PCDHGA5: variants seen among roughly 807,000 people sequenced by gnomAD.
PCDHGA5 encodes the protein protocadherin gamma-A5.
A neutral mutation model predicts 56.7 loss-of-function variants in PCDHGA5; 36 were observed. That is an observed-to-expected ratio of 0.64 (90% confidence interval 0.49 to 0.84). The LOEUF (loss-of-function observed/expected upper bound fraction) is 0.84. Ranked by LOEUF, PCDHGA5 falls within the 40% of genes least tolerant of loss-of-function variation. The pLI is 0.00. For missense variants in PCDHGA5, 1,305 were observed against 1,201.5 expected (o/e 1.09, Z -1.27); for synonymous variants, 563 against 520.2 (o/e 1.08, Z -1.12).
intron 1 of PCDHGA5, chr5:141,417,708 G>C (rs1028054307): frequency 1.2e-4 from 152 of 1,227,878 alleles, no homozygotes; most frequent in East Asian, 4.9e-4. Context: ...CCACACAGAG[G>C]CTCCCGGCTG....
At chr5:141,450,829 A>ATTTTT (rs373424450) in intron 1 of PCDHGA5, among the ~76,000 whole-genome samples, 3 of 135,122 alleles carry the variant, frequency 2.2e-5, no homozygotes, top group Admixed American at 7.6e-5. Flanking sequence ...TATTATTATT[A>ATTTTT]TTTTTTTTTT....
intron 1 of PCDHGA5, among the ~76,000 whole-genome samples, chr5:141,469,882 G>A (rs760102003): frequency 2.6e-5 from 4 of 152,280 alleles, no homozygotes; most frequent in Non-Finnish European, 4.4e-5. Context: ...TGTAATCTCG[G>A]CACTTTGGGA....
At chr5:141,371,265 C>A in intron 1 of PCDHGA5, 1 of 1,614,024 alleles carries the variant, frequency 6.2e-7, no homozygotes, top group Non-Finnish European at 8.5e-7. Context: ...AGTGAGACAA[C>A]TGTTCAAGCT....
Position 141,456,055 on chromosome 5 carries a change from G to A in PCDHGA5, c.2422-38752G>A, listed in dbSNP as rs78682041. On this transcript the variant is annotated intron_variant, in intron 1 of 3. Coordinates refer to ENST00000518069, the MANE Select transcript of PCDHGA5 (RefSeq NM_018918.3). Reference sequence around the variant, plus strand: ...TGGGACTACAGGCGCCCACCACCACGTCCGGCTAATTTTTTGTATTTTCAG... The same window carrying A: ...TGGGACTACAGGCGCCCACCACCACATCCGGCTAATTTTTTGTATTTTCAG... Among the ~76,000 whole-genome samples, 302 of 151,836 alleles carry A rather than the reference G, an allele frequency of 2.0e-3. 1 individual carries two copies. The highest frequency in any genetic ancestry group is 0.01 in the Middle Eastern group (3 of 292).
intron 1 of PCDHGA5, chr5:141,404,765 T>A: frequency 6.2e-7 from 1 of 1,613,120 alleles, no homozygotes; most frequent in Non-Finnish European, 8.5e-7. Context: ...TGCTTGGCTC[T>A]CCTACCGCCT....
In PCDHGA5 at chr5:141,373,263, A is replaced by G. The variant is rs559475060; in HGVS notation, c.2421+6512A>G. Among the ~76,000 whole-genome samples, 7 of 152,368 alleles carry G rather than the reference A, an allele frequency of 4.6e-5. No homozygotes were observed. In the East Asian group the frequency reaches 1.2e-3, roughly 25 times the overall value. On this transcript the variant is annotated intron_variant, in intron 1 of 3. Coordinates refer to ENST00000518069, the MANE Select transcript of PCDHGA5 (RefSeq NM_018918.3). ...CTTCCCTTTGCATGTTTTTAAAAGT[A>G]TACACAGATGTTGCCTATGTCAGGG...
At chr5:141,403,646 G>A in intron 1 of PCDHGA5, 1 of 1,613,950 alleles carries the variant, frequency 6.2e-7, no homozygotes, top group Non-Finnish European at 8.5e-7. Context: ...CCATGTGACA[G>A]TGTTGGATAC....
Position 141,432,604 on chromosome 5 carries a change from A to T in PCDHGA5, c.2422-62203A>T, listed in dbSNP as rs774164351. ...GTCTGCTCAAGGCCAGCGAGCCGGG[A>T]CTCTTCTCGGTGGGTCTGCACACGG... On this transcript the variant is annotated intron_variant, in intron 1 of 3. Coordinates refer to ENST00000518069, the MANE Select transcript of PCDHGA5 (RefSeq NM_018918.3). The surrounding 1 kb of genome is among the most constrained non-coding windows in gnomAD (Gnocchi z 6.0). 1.2e-6 allele frequency: 2 copies of T among 1,610,530 alleles called. No homozygotes were observed. The highest frequency in any genetic ancestry group is 1.7e-6 in the Non-Finnish European group (2 of 1,179,274).
chr5:141,419,451 C>T (rs747887064), intron 1 of PCDHGA5: 2 of 1,612,796 alleles, frequency 1.2e-6, no homozygotes, highest in Non-Finnish European at 8.5e-7. Flanking sequence ...TTCGAGCTCA[C>T]GCTGCAGGCC....
intron 1 of PCDHGA5, chr5:141,392,912 C>T: frequency 6.2e-7 from 1 of 1,613,908 alleles, no homozygotes; most frequent in South Asian, 1.1e-5. Context: ...AGATTCGCTA[C>T]TCTGTGCCAG....
chr5:141,382,946 T>C (rs1415736753), intron 1 of PCDHGA5: 27 of 1,598,228 alleles, frequency 1.7e-5, no homozygotes, highest in Non-Finnish European at 2.3e-5. Flanking sequence ...TTCTTCCTGC[T>C]CTCCATCCTC....
rs758216933 is a variant in PCDHGA5 at position 141,487,377 on chromosome 5, C to A, written c.2422-7430C>A. The A allele has an allele frequency of 2.5e-6, 4 of 1,614,190 alleles. No individual in the cohort carries two copies. In the South Asian group the frequency reaches 3.3e-5, roughly 13 times the overall value. On this transcript the variant is annotated intron_variant, in intron 1 of 3. Transcript: ENST00000518069. This position sits in a 1 kb window ranked among gnomAD's most constrained non-coding sequence, Gnocchi z 5.0. ...CCTGCTGGCACCTGTGCCTGTCTCA[C>A]CAGATCTCGAAGGAGGGAGGGGCTT...
At chr5:141,389,424 G>T in intron 1 of PCDHGA5, 1 of 1,613,510 alleles carries the variant, frequency 6.2e-7, no homozygotes, top group Non-Finnish European at 8.5e-7. Context: ...GGTGGTGTTC[G>T]CGCAGCGCGC....
chr5:141,470,262 A>C (rs924170384), intron 1 of PCDHGA5, among the ~76,000 whole-genome samples: 2 of 152,126 alleles, frequency 1.3e-5, no homozygotes, highest in African/African-American at 4.8e-5. Context: ...CTAAATGGAG[A>C]TACATGTTTG....
At position 141,511,940 on chromosome 5, in the gene PCDHGA5, G is replaced by A. The variant is rs2099884015; in HGVS notation, c.*767G>A. 1 of 154,118 alleles carries A rather than the reference G, an allele frequency of 6.5e-6. No homozygotes were observed. The highest frequency in any genetic ancestry group is 1.9e-4 in the East Asian group (1 of 5,214). 9.5% of individuals were successfully genotyped at this position (154,118 alleles called of 1,614,324 possible). ...TCCACTGCATGTTCCAAGACAGTAT[G>A]GGGTGGTAAGATAAGGAAGGGAAGT... On this transcript the variant is annotated 3_prime_UTR_variant, in exon 4 of 4. Coordinates refer to ENST00000518069, the MANE Select transcript of PCDHGA5 (RefSeq NM_018918.3).
At chr5:141,479,486 A>T (rs72790065) in intron 1 of PCDHGA5, 21,264 of 152,292 alleles carry the variant, frequency 0.14, 1,529 homozygotes, top group Admixed American at 0.16. Context: ...GGGCAGGACC[A>T]TCAGGTTGCC....
rs543038539 is a variant in PCDHGA5 at position 141,415,850 on chromosome 5, C to A, written c.2421+49099C>A. 7.3e-6 allele frequency: 9 copies of A among 1,230,004 alleles called. No homozygotes were observed. In the East Asian group the frequency reaches 2.6e-4, roughly 35 times the overall value. The allele number at this position is 1,230,004 out of a possible 1,614,324, so 76.2% of individuals were successfully genotyped here. ...TTTGTTATGATTAGCTTTGCAGAAC[C>A]TTGTAGTTTATAGTGTTGTTGAGTA... On this transcript the variant is annotated intron_variant, in intron 1 of 3. Coordinates refer to ENST00000518069, the MANE Select transcript of PCDHGA5 (RefSeq NM_018918.3).
intron 1 of PCDHGA5, chr5:141,388,958 C>T (rs767426744): frequency 7.4e-6 from 12 of 1,613,930 alleles, no homozygotes; most frequent in East Asian, 2.2e-5. Context: ...TGGAGGACGC[C>T]GAGCTGGGAA....
chr5:141,486,940 A>T lies in PCDHGA5; in HGVS notation c.2422-7867A>T. ...CTCCATCAGTTGGTGCTGGCCACCTAATCACAAAGGTGACTGCTGTGGACT... is the reference window on the plus strand; with the variant it reads ...CTCCATCAGTTGGTGCTGGCCACCTTATCACAAAGGTGACTGCTGTGGACT... On this transcript the variant is annotated intron_variant, in intron 1 of 3. Coordinates refer to ENST00000518069, the MANE Select transcript of PCDHGA5 (RefSeq NM_018918.3). This position sits in a 1 kb window ranked among gnomAD's most constrained non-coding sequence, Gnocchi z 5.0. 6.2e-7 allele frequency: 1 copy of T among 1,614,188 alleles called. No homozygotes were observed. Among genetic ancestry groups the T allele is most frequent in the Non-Finnish European group, 8.5e-7 (1 of 1,180,032 alleles).
Sources: gnomAD v4.1 joint callset for allele counts (sites outside exome capture counted in the v4.1 genomes callset) on GRCh38, gnomAD v4.1.1 for gene constraint, Gnocchi (gnomAD v3.1) non-coding constraint, MANE v1.5 for transcripts, NCBI Gene and HGNC (gene_info 2026-07-23, HGNC 2026-07-21) for gene names.